MEIOSIN: variants seen among roughly 807,000 people sequenced by gnomAD.
The protein encoded by MEIOSIN is meiosis initiator.
A neutral mutation model predicts 23.4 loss-of-function variants in MEIOSIN; 18 were observed. The observed-to-expected ratio is 0.77, with a 90% CI of 0.53 to 1.14. The LOEUF (loss-of-function observed/expected upper bound fraction) is 1.14, where lower values mean the gene tolerates loss of function less well. MEIOSIN is among the 50% of genes most tolerant of loss of function. MEIOSIN has a pLI of 0.00. For synonymous variants in MEIOSIN, 187 were observed against 100.6 expected (o/e 1.86, Z -5.14); for missense variants, 428 against 242.9 (o/e 1.76, Z -5.07).
At chr19:45,753,873 G>T (rs1012372663) in intron 6 of MEIOSIN, 85 bp downstream of exon 6, 84 of 632,074 alleles carry the variant, frequency 1.3e-4, no homozygotes, top group South Asian at 1.0e-3. Flanking sequence ...TTACTCTGGG[G>T]GCCTTCTCAG....
chr19:45,756,972 T>A (rs758284002), intron 8 of MEIOSIN, among the ~76,000 whole-genome samples: 5 of 152,138 alleles, frequency 3.3e-5, no homozygotes, highest in Non-Finnish European at 5.9e-5. Flanking sequence ...TGGCTCATCA[T>A]CCTCCAGCGC....
chr19:45,753,258 T>C (rs1968751277), intron 5 of MEIOSIN, among the ~76,000 whole-genome samples: 1 of 152,100 alleles, frequency 6.6e-6, no homozygotes, highest in Non-Finnish European at 1.5e-5. Context: ...AAGATGTTAA[T>C]GAGGAAGAAT....
intron 9 of MEIOSIN, among the ~76,000 whole-genome samples, chr19:45,758,492 C>T (rs1968877321): frequency 6.6e-6 from 1 of 151,940 alleles, no homozygotes; most frequent in Admixed American, 6.6e-5. Context: ...TGCAGTGGCA[C>T]GATCTCGGCT....
chr19:45,754,458 C>G (rs895406949), intron 6 of MEIOSIN, 21 bp from the exon 7 acceptor site: 2 of 697,304 alleles, frequency 2.9e-6, no homozygotes, highest in African/African-American at 3.5e-5. Flanking sequence ...CCCTCTGACA[C>G]CTGAACCTCT....
chr19:45,742,196 A>G (rs1968517722), intron 3 of MEIOSIN, among the ~76,000 whole-genome samples: 1 of 152,044 alleles, frequency 6.6e-6, no homozygotes, highest in Admixed American at 6.6e-5. Flanking sequence ...TTGTAGATGC[A>G]GGGTCTCACT....
intron 2 of MEIOSIN, among the ~76,000 whole-genome samples, chr19:45,738,506 C>T (rs1164359469): frequency 1.3e-5 from 2 of 152,298 alleles, no homozygotes; most frequent in African/African-American, 4.8e-5. Context: ...TAATCCCAAG[C>T]TACTCAGGTG....
rs1968364129 is a variant in MEIOSIN, at chr19:45,733,798, C to G, written c.-1+132C>G. The G allele has an allele frequency of 6.6e-6, 1 of 152,358 alleles. No homozygotes were observed. The highest frequency in any genetic ancestry group is 6.5e-5 in the Admixed American group (1 of 15,276). The allele number at this position is 152,358 out of a possible 1,614,324, so 9.4% of individuals were successfully genotyped here. A position where few individuals can be genotyped will look rare whatever the true frequency, so the allele number is the denominator to read the frequency against. ...GGGGCTCAGGGGAATAGAACATGCT[C>G]TGGGTGCAGGGCCACGGGCGACGGA... On this transcript the variant is annotated intron_variant, in intron 1 of 14. Transcript: ENST00000457052. The surrounding 1 kb of genome is among the most constrained non-coding windows in gnomAD (Gnocchi z 5.7).
chr19:45,763,985 G>A lies in MEIOSIN; in HGVS notation c.1784G>A (p.Arg595Lys), dbSNP rs1428766543. The A allele has an allele frequency of 2.8e-5, 11 of 398,586 alleles. No homozygotes were observed. Among genetic ancestry groups the A allele is most frequent in the Non-Finnish European group, 4.9e-5 (11 of 226,150 alleles). The allele number at this position is 398,586 out of a possible 1,614,324, so 24.7% of individuals were successfully genotyped here. A position where few individuals can be genotyped will look rare whatever the true frequency, so the allele number is the denominator to read the frequency against. ...ERRPYCTKAR[R>K]FSRQHNRIVK... ...CGTCTCCCCAGCACCAAGGCTCGCA[G>A]GTTCAGCCGCCAGCACAACCGCATC... Residue 595 changes from arginine to lysine, a missense_variant, in exon 15 of 15, where the codon AGG becomes AAG. Physicochemically the swap from Arg to Lys is conservative, Grantham distance 26. Coordinates refer to ENST00000457052, the MANE Select transcript of MEIOSIN (RefSeq NM_001310124.2).
intron 5 of MEIOSIN, among the ~76,000 whole-genome samples, chr19:45,752,275 G>T (rs1968727449): frequency 6.6e-6 from 1 of 151,816 alleles, no homozygotes; most frequent in African/African-American, 2.4e-5. Context: ...GAGTGCAGTG[G>T]CGTGATCTCA....
At chr19:45,746,093 C>T (rs545275188) in intron 4 of MEIOSIN, among the ~76,000 whole-genome samples, 45 of 152,064 alleles carry the variant, frequency 3.0e-4, no homozygotes, top group African/African-American at 9.2e-4. Flanking sequence ...CTCAGCCTCC[C>T]GAGTAGCTGA....
intron 11 of MEIOSIN, among the ~76,000 whole-genome samples, chr19:45,759,864 C>T (rs944207463): frequency 3.3e-5 from 5 of 151,960 alleles, no homozygotes; most frequent in South Asian, 2.1e-4. Flanking sequence ...TGCAGTGGTG[C>T]GATCTCGGCT....
rs555365635 is a variant in MEIOSIN at position 45,734,638 on chromosome 19, G to C, written c.1-739G>C. Among the ~76,000 whole-genome samples, 12 of 151,976 alleles carry C rather than the reference G, an allele frequency of 7.9e-5. No homozygotes were observed. In the East Asian group the frequency reaches 1.9e-3, roughly 24 times the overall value. ...CCCACCTCAGGCTCCCAAGTAGCTG[G>C]GACTACAAGCATGTGCCACTATGCC... On this transcript the variant is annotated intron_variant, in intron 1 of 14. Transcript: ENST00000457052.
At chr19:45,755,811 A>T (rs1336695204) in intron 7 of MEIOSIN, among the ~76,000 whole-genome samples, 159 bp from the exon 8 acceptor site, 1 of 152,166 alleles carries the variant, frequency 6.6e-6, no homozygotes, top group Non-Finnish European at 1.5e-5. Flanking sequence ...GGCACCCCTC[A>T]GCCTCACACC....
intron 5 of MEIOSIN, among the ~76,000 whole-genome samples, chr19:45,751,605 G>T (rs1968710907): frequency 6.6e-6 from 1 of 151,842 alleles, no homozygotes; most frequent in South Asian, 2.1e-4. Flanking sequence ...CGTGATCTCT[G>T]CTCACTGCGA....
intron 3 of MEIOSIN, among the ~76,000 whole-genome samples, chr19:45,740,319 G>A (rs900865535): frequency 1.3e-5 from 2 of 152,210 alleles, no homozygotes; most frequent in Non-Finnish European, 2.9e-5. Context: ...AGCAAGCGGA[G>A]GAACTAGGAT....
chr19:45,742,725 G>A (rs1157471065), intron 3 of MEIOSIN, among the ~76,000 whole-genome samples: 10 of 151,928 alleles, frequency 6.6e-5, no homozygotes, highest in Non-Finnish European at 1.5e-4. Flanking sequence ...GTAATCCCGG[G>A]AGGCGGAGTT....
At chr19:45,758,496 C>T (rs975430788) in intron 9 of MEIOSIN, among the ~76,000 whole-genome samples, 2 of 152,022 alleles carry the variant, frequency 1.3e-5, no homozygotes, top group Admixed American at 1.3e-4. Context: ...GTGGCACGAT[C>T]TCGGCTCACT....
At chr19:45,751,313 T>TAATAATAATAATAA (rs1228365499) in intron 5 of MEIOSIN, among the ~76,000 whole-genome samples, 1 of 95,596 alleles carries the variant, frequency 1.0e-5, no homozygotes, top group South Asian at 3.7e-4. Flanking sequence ...AATAATAATA[T>TAATAATAATAATAA]ATACATAAAA....
Position 45,761,704 on chromosome 19 carries a change from A to G in MEIOSIN, c.1271A>G (p.Asp424Gly), listed in dbSNP as rs554661694. Residue 424 changes from aspartate (D) to glycine (G), a missense_variant, in exon 12 of 15, where the codon GAC becomes GGC. By Grantham distance (94) the Asp-to-Gly change is moderately conservative. Coordinates refer to ENST00000457052, the MANE Select transcript of MEIOSIN (RefSeq NM_001310124.2). The stretch of plus-strand genomic sequence containing the variant: ...GACACAGCCTCCAAGGCCCCCAAAG[A>G]CCCTCCTGAGTCCCACAGCCTGCAC... ...EKDTASKAPK[D>G]PPESHSLHRS... 1.2e-4 allele frequency: 81 copies of G among 701,458 alleles called. 1 individual carries two copies. The African/African-American group carries it at 1.3e-3, about 11-fold the overall frequency. The allele number at this position is 701,458 out of a possible 1,614,324, so 43.5% of individuals were successfully genotyped here.
Sources: allele counts gnomAD v4.1 joint callset (sites outside exome capture counted in the v4.1 genomes callset), GRCh38; gene constraint gnomAD v4.1.1; non-coding constraint Gnocchi (gnomAD v3.1); transcripts MANE v1.5; gene names NCBI Gene and HGNC (gene_info 2026-07-23, HGNC 2026-07-21).